ERBB4: variants seen among roughly 807,000 people sequenced by gnomAD.
ERBB4 encodes the protein receptor tyrosine-protein kinase erbB-4.
A neutral mutation model predicts 158.0 loss-of-function variants in ERBB4; 42 were observed. The observed-to-expected ratio is 0.27, with a 90% CI of 0.21 to 0.34. The LOEUF (loss-of-function observed/expected upper bound fraction) is 0.34, where lower values mean the gene tolerates loss of function less well. Among genes scored for constraint, ERBB4 ranks in the 10% least tolerant of loss-of-function variants. The pLI, the probability that ERBB4 is intolerant of heterozygous loss-of-function variation, is 1.00. For synonymous variants in ERBB4, 583 were observed against 558.7 expected, an observed-to-expected ratio of 1.04 and a Z score of -0.61; for missense variants, 1,333 against 1,624.1, an observed-to-expected ratio of 0.82 and a Z score of 3.08.
chr2:211,682,479 T>C (rs1438284228), intron 12 of ERBB4, among the ~76,000 whole-genome samples: 1 of 152,160 alleles, frequency 6.6e-6, no homozygotes, highest in East Asian at 1.9e-4. Context: ...CTCACAGACA[T>C]GTCCAGAAAT....
At chr2:212,364,096 C>G (rs1056299948) in intron 1 of ERBB4, among the ~76,000 whole-genome samples, 2 of 151,662 alleles carry the variant, frequency 1.3e-5, no homozygotes, top group Non-Finnish European at 2.9e-5. Context: ...TATTTCATAT[C>G]TCAATTCTGG....
At chr2:211,931,217 A>C (rs79769569) in intron 3 of ERBB4, among the ~76,000 whole-genome samples, 5 of 152,164 alleles carry the variant, frequency 3.3e-5, no homozygotes, top group African/African-American at 1.2e-4. Flanking sequence ...TTGTTTTGCT[A>C]TTATTTAGCC....
chr2:212,287,462 T>C (rs1399864436), intron 1 of ERBB4, among the ~76,000 whole-genome samples: 1 of 152,168 alleles, frequency 6.6e-6, no homozygotes, highest in African/African-American at 2.4e-5. Context: ...CACCTTTCTA[T>C]TAACATAATT....
At chr2:212,505,284 A>G (rs1477989056) in intron 1 of ERBB4, among the ~76,000 whole-genome samples, 1 of 152,126 alleles carries the variant, frequency 6.6e-6, no homozygotes, top group Non-Finnish European at 1.5e-5. Context: ...TTTAGTAGAG[A>G]CAGGGTTTCA....
intron 12 of ERBB4, among the ~76,000 whole-genome samples, chr2:211,694,761 C>T (rs1366251329): frequency 6.6e-6 from 1 of 152,062 alleles, no homozygotes; most frequent in East Asian, 1.9e-4. Context: ...ATTGATTTCC[C>T]AGGCTCCCAG....
At chr2:212,109,246 GGT>G (rs1559513035) in intron 2 of ERBB4, among the ~76,000 whole-genome samples, 1 of 152,012 alleles carries the variant, frequency 6.6e-6, no homozygotes, top group Non-Finnish European at 1.5e-5. Context: ...TAAGAGTTCC[GGT>G]CCATTTTCCC....
At chr2:211,989,780 T>C (rs1032340787) in intron 2 of ERBB4, among the ~76,000 whole-genome samples, 1 of 152,004 alleles carries the variant, frequency 6.6e-6, no homozygotes, top group Non-Finnish European at 1.5e-5. Flanking sequence ...CTTCAGTGAA[T>C]GTTGTTAATA....
chr2:211,950,306 G>A (rs888196231), intron 2 of ERBB4, among the ~76,000 whole-genome samples: 1 of 152,098 alleles, frequency 6.6e-6, no homozygotes, highest in African/African-American at 2.4e-5. Flanking sequence ...TGGACATGTA[G>A]GCTAGAGTGT....
Position 212,516,656 on chromosome 2 carries a change from T to A in ERBB4, c.82+21793A>T, listed in dbSNP as rs1034501156. Among the ~76,000 whole-genome samples the A allele has an allele frequency of 1.6e-4, 24 of 152,170 alleles. 1 individual carries two copies. Among genetic ancestry groups the A allele is most frequent in the African/African-American group, 5.8e-4 (24 of 41,544 alleles). Reference sequence around the variant, plus strand: ...GCAACCTCATTAGAGTGTGTTGAATTTATATGTGTTTATGTTTAAAATCAC... The same window carrying A: ...GCAACCTCATTAGAGTGTGTTGAATATATATGTGTTTATGTTTAAAATCAC... On this transcript the variant is annotated intron_variant, in intron 1 of 27. Transcript: ENST00000342788.
intron 1 of ERBB4, among the ~76,000 whole-genome samples, chr2:212,161,809 G>T (rs986568897): frequency 4.0e-5 from 6 of 151,796 alleles, no homozygotes; most frequent in Admixed American, 3.3e-4. Context: ...CATTTGGTAA[G>T]AAGTGTAACG....
At chr2:212,271,617 G>A (rs2085346667) in intron 1 of ERBB4, among the ~76,000 whole-genome samples, 1 of 151,756 alleles carries the variant, frequency 6.6e-6, no homozygotes, top group Non-Finnish European at 1.5e-5. Context: ...CTTCTAAAAT[G>A]ATTTTTGTTT....
In ERBB4 at chr2:211,682,505, A is replaced by G. The variant is rs1253233640; in HGVS notation, c.1490-3321T>C. On this transcript the variant is annotated intron_variant, in intron 12 of 27. Coordinates refer to ENST00000342788, the MANE Select transcript of ERBB4 (RefSeq NM_005235.3). ...GTCCAGAAATGATATTTAAAAAAATATCTGGTCAACCCACTCCCCAGTTAG... is the reference window on the plus strand; with the variant it reads ...GTCCAGAAATGATATTTAAAAAAATGTCTGGTCAACCCACTCCCCAGTTAG... Among the ~76,000 whole-genome samples the G allele has an allele frequency of 2.0e-5, 3 of 152,190 alleles. No homozygotes were observed. In the East Asian group the frequency reaches 5.8e-4, roughly 29 times the overall value.
At chr2:211,746,527 A>T (rs1268112121) in intron 5 of ERBB4, among the ~76,000 whole-genome samples, 1 of 151,956 alleles carries the variant, frequency 6.6e-6, no homozygotes, top group Non-Finnish European at 1.5e-5. Flanking sequence ...GTTTGGTAGC[A>T]AGTGAGAAAA....
chr2:212,045,352 G>A (rs2077235216), intron 2 of ERBB4, among the ~76,000 whole-genome samples: 1 of 152,124 alleles, frequency 6.6e-6, no homozygotes, highest in South Asian at 2.1e-4. Flanking sequence ...CAGCTACCTG[G>A]GAGGCTGAGG....
At chr2:212,207,930 T>C (rs2082815863) in intron 1 of ERBB4, among the ~76,000 whole-genome samples, 1 of 151,052 alleles carries the variant, frequency 6.6e-6, no homozygotes, top group Admixed American at 6.6e-5. Context: ...TTTTAATTTG[T>C]ATTAAATTCA....
chr2:212,230,844 T>G (rs868149023), intron 1 of ERBB4, among the ~76,000 whole-genome samples: 1 of 152,128 alleles, frequency 6.6e-6, no homozygotes, highest in Non-Finnish European at 1.5e-5. Flanking sequence ...AAAAATCCAA[T>G]GAGCAGTACC....
intron 1 of ERBB4, among the ~76,000 whole-genome samples, chr2:212,176,466 G>A (rs1328159338): frequency 6.6e-6 from 1 of 151,968 alleles, no homozygotes; most frequent in African/African-American, 2.4e-5. Flanking sequence ...CAGGGAGAGG[G>A]ACTTCATTAA....
chr2:211,947,598 C>T lies in ERBB4; in HGVS notation c.253G>A (p.Gly85Ser). The change falls in exon 3 of 28, where the codon GGC becomes AGC. Residue 85 changes from glycine (G) to serine (S), a missense_variant. Physicochemically the swap from Gly to Ser is moderately conservative, Grantham distance 56 (BLOSUM62 0). Around this residue, in one of 5 missense-constraint regions of ERBB4, gnomAD observed 438 missense variants for 586.9 expected, o/e 0.75. Transcript: ENST00000342788. ...TGATTAAGAGCCACTAACACGTAGC[C>T]TGTGACTTCTCGAACAGACTGAAAA... ...SFLRSVREVT[G>S]YVLVALNQFR... 6.2e-7 allele frequency: 1 copy of T among 1,613,618 alleles called. No homozygotes were observed. Among genetic ancestry groups the T allele is most frequent in the Non-Finnish European group, 8.5e-7 (1 of 1,179,818 alleles).
At chr2:211,773,150 C>T (rs2075759163) in intron 4 of ERBB4, among the ~76,000 whole-genome samples, 1 of 150,234 alleles carries the variant, frequency 6.7e-6, no homozygotes, top group African/African-American at 2.4e-5. Flanking sequence ...TGAGGGAGTG[C>T]CTAGCCCAGC....
Sources: gnomAD v4.1 joint callset for allele counts (sites outside exome capture counted in the v4.1 genomes callset) on GRCh38, gnomAD v4.1.1 for gene constraint, gnomAD v4.1.1 regional missense constraint, MANE v1.5 for transcripts, NCBI Gene and HGNC (gene_info 2026-07-23, HGNC 2026-07-21) for gene names.